Variants in CHODL observed in about 807,000 individuals in gnomAD.
The protein encoded by CHODL is transmembrane protein MT75.
Under a neutral mutation model 34.5 loss-of-function variants are expected in CHODL, and 29 were observed. The ratio of observed to expected loss-of-function variants is 0.84; its 90% CI spans 0.63 to 1.15. The LOEUF (loss-of-function observed/expected upper bound fraction) is 1.15. CHODL is among the 50% of genes most tolerant of loss of function. CHODL has a pLI of 0.00. For missense variants in CHODL, 332 were observed against 332.5 expected (o/e 1.00, Z 0.01); for synonymous variants, 125 against 116.1 (o/e 1.08, Z -0.49).
intron 2 of CHODL, among the ~76,000 whole-genome samples, chr21:18,117,999 A>G (rs2065433947): frequency 6.6e-6 from 1 of 152,220 alleles, no homozygotes; most frequent in African/African-American, 2.4e-5. Context: ...GGTGGTGTAT[A>G]CATAAAAGAC....
chr21:18,219,778 AT>A lies in CHODL; in HGVS notation c.-44-36720del, dbSNP rs779366554. Among the ~76,000 whole-genome samples, 1,076 of 144,032 alleles carry A rather than the reference AT, an allele frequency of 7.5e-3. 4 individuals are homozygous for A. The highest frequency in any genetic ancestry group is 0.015 in the African/African-American group (604 of 39,478). The allele number at this position is 144,032 out of a possible 152,430, so 94.5% of individuals were successfully genotyped here. A position where few individuals can be genotyped will look rare whatever the true frequency, so the allele number is the denominator to read the frequency against. ...TGCCCATTTTTAATTGGTTAGTTGT[AT>A]TTTTTTTTTTGCTGATGCATTATTT... is the stretch of plus-strand genomic sequence containing the variant. On this transcript the variant is annotated intron_variant, in intron 2 of 6. Coordinates refer to the CHODL transcript ENST00000400127.
intron 1 of CHODL, among the ~76,000 whole-genome samples, chr21:18,000,213 TG>T (rs890163855): frequency 1.3e-5 from 2 of 152,160 alleles, no homozygotes; most frequent in Non-Finnish European, 2.9e-5. Flanking sequence ...CAGTCATAAC[TG>T]AGGCTGAGTT....
chr21:18,049,719 C>T (rs545143379), intron 2 of CHODL, among the ~76,000 whole-genome samples: 9 of 152,104 alleles, frequency 5.9e-5, no homozygotes, highest in African/African-American at 2.2e-4. Context: ...AAATTTCCTC[C>T]TCTTATAAGA....
intron 2 of CHODL, among the ~76,000 whole-genome samples, chr21:18,187,737 T>C (rs1449920525): frequency 6.6e-6 from 1 of 152,186 alleles, no homozygotes; most frequent in African/African-American, 2.4e-5. Flanking sequence ...CCTCTATGAC[T>C]TAAGTGCTCT....
intron 2 of CHODL, among the ~76,000 whole-genome samples, chr21:18,063,009 C>A (rs995786607): frequency 1.5e-4 from 23 of 151,946 alleles, no homozygotes; most frequent in Non-Finnish European, 2.9e-4. Context: ...CTCAAAGAAA[C>A]GTGAGAAAAA....
chr21:18,100,645 G>A (rs1006416209), intron 2 of CHODL, among the ~76,000 whole-genome samples: 1 of 152,114 alleles, frequency 6.6e-6, no homozygotes, highest in Non-Finnish European at 1.5e-5. Flanking sequence ...TGGATGGGTA[G>A]AAGTAGGGTA....
At chr21:18,205,471 T>C (rs950006057) in intron 2 of CHODL, among the ~76,000 whole-genome samples, 3 of 151,640 alleles carry the variant, frequency 2.0e-5, no homozygotes, top group African/African-American at 7.3e-5. Flanking sequence ...TATTTCTGCC[T>C]GATCTTTATT....
At chr21:17,982,246 A>G (rs1750817981) in intron 1 of CHODL, among the ~76,000 whole-genome samples, 1 of 152,290 alleles carries the variant, frequency 6.6e-6, no homozygotes, top group Admixed American at 6.5e-5. Context: ...GTACCTTTCA[A>G]TTGTTTTGTG....
intron 2 of CHODL, among the ~76,000 whole-genome samples, chr21:18,096,211 C>T (rs2065137917): frequency 6.6e-6 from 1 of 152,130 alleles, no homozygotes; most frequent in South Asian, 2.1e-4. Context: ...ATCCTGTCAT[C>T]TTAAGCTAAG....
intron 2 of CHODL, among the ~76,000 whole-genome samples, chr21:18,130,230 G>A (rs73200968): frequency 0.071 from 10,783 of 152,158 alleles, 417 homozygotes; most frequent in Middle Eastern, 0.12. Flanking sequence ...TCTTTGTTAT[G>A]GGGTTATTTT....
chr21:18,238,685 T>C (rs1349266829), intron 2 of CHODL, among the ~76,000 whole-genome samples: 2 of 152,088 alleles, frequency 1.3e-5, no homozygotes, highest in African/African-American at 4.8e-5. Flanking sequence ...CTCCATTTTA[T>C]TCCCAGTAAG....
intron 1 of CHODL, among the ~76,000 whole-genome samples, chr21:17,992,787 C>T (rs1304201888): frequency 5.4e-5 from 7 of 128,542 alleles, no homozygotes; most frequent in African/African-American, 1.2e-4. Context: ...CCCGAGTAGC[C>T]GGGATTACAG....
chr21:18,159,105 A>G (rs887802980), intron 2 of CHODL, among the ~76,000 whole-genome samples: 2 of 152,070 alleles, frequency 1.3e-5, no homozygotes, highest in African/African-American at 4.8e-5. Context: ...CCCCGGGGAT[A>G]TTTGGCACTA....
At position 18,245,096 on chromosome 21, in the gene CHODL, T is replaced by TGGGCTCGGGCGGCGGGAGTA. The variant is rs2074121669; in HGVS notation, c.-123_-104dup. 1.8e-5 allele frequency: 14 copies of TGGGCTCGGGCGGCGGGAGTA among 761,168 alleles called. No homozygotes were observed. The highest frequency in any genetic ancestry group is 2.7e-5 in the Non-Finnish European group (14 of 519,936). 47.2% of individuals were successfully genotyped at this position (761,168 alleles called of 1,614,324 possible). On this transcript the variant is annotated 5_prime_UTR_variant, in exon 1 of 6. Transcript: ENST00000299295. ...CGATGCGCGCAGGGGGTCGGGCAGC[T>TGGGCTCGGGCGGCGGGAGTA]GGGCTCGGGCGGCGGGAGTAGGGCC...
At chr21:18,245,974 G>C in intron 1 of CHODL, 3 of 1,525,406 alleles carry the variant, frequency 2.0e-6, no homozygotes, top group Non-Finnish European at 2.6e-6. Flanking sequence ...CACACAGTAG[G>C]TGCACAATTA....
chr21:18,106,950 G>C (rs376000604), intron 2 of CHODL, among the ~76,000 whole-genome samples: 1 of 152,164 alleles, frequency 6.6e-6, no homozygotes, highest in Non-Finnish European at 1.5e-5. Flanking sequence ...CAGAAGGAAA[G>C]AGTATGCTTG....
At chr21:18,247,748 T>G (rs892393998) in intron 1 of CHODL, among the ~76,000 whole-genome samples, 2 of 152,098 alleles carry the variant, frequency 1.3e-5, no homozygotes, top group African/African-American at 4.8e-5. Flanking sequence ...ATTTGGAAAC[T>G]ACCTTTAGGA....
chr21:18,189,714 A>C (rs2073488558), intron 2 of CHODL, among the ~76,000 whole-genome samples: 1 of 149,590 alleles, frequency 6.7e-6, no homozygotes, highest in Admixed American at 6.8e-5. Flanking sequence ...AGCTCACTGC[A>C]ACCTCCGCCT....
chr21:18,055,228 A>C (rs1376806381), intron 2 of CHODL, among the ~76,000 whole-genome samples: 1 of 151,940 alleles, frequency 6.6e-6, no homozygotes, highest in Non-Finnish European at 1.5e-5. Flanking sequence ...TATATAGAGA[A>C]TTTAAATAGT....
Sources: allele counts gnomAD v4.1 joint callset (sites outside exome capture counted in the v4.1 genomes callset), GRCh38; gene constraint gnomAD v4.1.1; transcripts MANE v1.5; gene names NCBI Gene and HGNC (gene_info 2026-07-23, HGNC 2026-07-21).